PROSER2: variants seen among roughly 807,000 people sequenced by gnomAD.
The protein encoded by PROSER2 is proline and serine-rich protein 2.
Under a neutral mutation model 14.6 loss-of-function variants are expected in PROSER2, and 18 were observed. The ratio of observed to expected loss-of-function variants is 1.23; its 90% CI spans 0.85 to 1.83. PROSER2 has a LOEUF of 1.83. Ranked by LOEUF, PROSER2 falls within the 40% of genes most tolerant of loss-of-function variation. The pLI is 0.00. For synonymous variants in PROSER2, 367 were observed against 286.4 expected (o/e 1.28, Z -2.84); for missense variants, 823 against 629.8 (o/e 1.31, Z -3.28).
chr10:11,862,664 A>G lies in PROSER2; in HGVS notation c.139-3867A>G, dbSNP rs893956606. On this transcript the variant is annotated intron_variant, in intron 2 of 3. Transcript: ENST00000277570. The surrounding 1 kb of genome is among the most constrained non-coding windows in gnomAD (Gnocchi z 4.2). ...AGCTGTGATTGTACCACTGCACTGT[A>G]GACTGGGCAACAGAGTGAGACACGG... Among the ~76,000 whole-genome samples, 25 of 152,216 alleles carry G rather than the reference A, an allele frequency of 1.6e-4. No homozygotes were observed. The highest frequency in any genetic ancestry group is 5.1e-4 in the African/African-American group (21 of 41,456).
rs1425479568 is a variant in PROSER2 at position 11,836,488 on chromosome 10, C to T, written c.-82+13018C>T. 4.6e-5 allele frequency among the ~76,000 whole-genome samples: 7 copies of T among 152,156 alleles called. No homozygotes were observed. Among genetic ancestry groups the T allele is most frequent in the African/African-American group, 1.4e-4 (6 of 41,420 alleles). ...CTGGGATTACAGGTGTGAGCCACCA[C>T]GCCTGGCCAGGATGTCGCTTTAAAG... On this transcript the variant is annotated intron_variant, in intron 1 of 3. Transcript: ENST00000277570. The surrounding 1 kb of genome is among the most constrained non-coding windows in gnomAD (Gnocchi z 4.6).
rs372826041 is a variant in PROSER2, at chr10:11,832,422, G to A, written c.-82+8952G>A. 7.2e-5 allele frequency among the ~76,000 whole-genome samples: 11 copies of A among 152,094 alleles called. No individual in the cohort carries two copies. In the East Asian group the frequency reaches 1.3e-3, roughly 19 times the overall value. On this transcript the variant is annotated intron_variant, in intron 1 of 3. Coordinates refer to ENST00000277570, the MANE Select transcript of PROSER2 (RefSeq NM_153256.4). ...TTTACTGCAGCCTCTGTATTTCTGT[G>A]GAGGCCCATTTTTAAGATTAATTTT...
rs139293568 is a variant in PROSER2 at position 11,863,311 on chromosome 10, T to C, written c.139-3220T>C. 2.9e-3 allele frequency among the ~76,000 whole-genome samples: 445 copies of C among 152,204 alleles called. 2 individuals carry two copies. Among genetic ancestry groups the C allele is most frequent in the Non-Finnish European group, 4.9e-3 (331 of 68,010 alleles). ...GGGTAGGTGGGCATTTGAATACCTCTCAGATCACAGTGTGGAAAGCATCAG... is the reference window on the plus strand; with the variant it reads ...GGGTAGGTGGGCATTTGAATACCTCCCAGATCACAGTGTGGAAAGCATCAG... On this transcript the variant is annotated intron_variant, in intron 2 of 3. Transcript: ENST00000277570.
chr10:11,843,085 C>CAT (rs1833871467), intron 1 of PROSER2, among the ~76,000 whole-genome samples: 1 of 150,232 alleles, frequency 6.7e-6, no homozygotes, highest in East Asian at 2.0e-4. Flanking sequence ...GGATTACAGG[C>CAT]GCCCGCCACC....
intron 1 of PROSER2, among the ~76,000 whole-genome samples, chr10:11,829,435 T>G (rs949347832): frequency 6.6e-6 from 1 of 151,614 alleles, no homozygotes; most frequent in African/African-American, 2.4e-5. Flanking sequence ...AATTAAAAAA[T>G]TAGCCAGGTG....
chr10:11,868,204 A>T (rs1321928899), intron 3 of PROSER2, among the ~76,000 whole-genome samples: 1 of 152,262 alleles, frequency 6.6e-6, no homozygotes, highest in East Asian at 1.9e-4. Flanking sequence ...TCACGTAGTC[A>T]TGCCAAGGAA....
intron 2 of PROSER2, among the ~76,000 whole-genome samples, chr10:11,860,610 A>G (rs1054286354): frequency 6.7e-6 from 1 of 148,558 alleles, no homozygotes; most frequent in African/African-American, 2.5e-5. Context: ...GCGAGACTCC[A>G]TCTCAAAAAA....
intron 1 of PROSER2, among the ~76,000 whole-genome samples, chr10:11,848,047 G>A (rs1270191458): frequency 1.3e-5 from 2 of 152,162 alleles, no homozygotes; most frequent in African/African-American, 4.8e-5. Flanking sequence ...TCTTCCCAGA[G>A]TCAGCCATGG....
intron 2 of PROSER2, among the ~76,000 whole-genome samples, chr10:11,861,531 C>T (rs922808139): frequency 4.6e-5 from 7 of 151,990 alleles, no homozygotes; most frequent in African/African-American, 7.3e-5. Context: ...GAAATCCGGC[C>T]GTGAAAGTAG....
chr10:11,828,278 T>C (rs1833641773), intron 1 of PROSER2, among the ~76,000 whole-genome samples: 1 of 149,066 alleles, frequency 6.7e-6, no homozygotes, highest in Non-Finnish European at 1.5e-5. Flanking sequence ...TTTGCACATA[T>C]TACTTAAAGG....
In PROSER2 at chr10:11,836,852, G is replaced by A. The variant is rs910424130; in HGVS notation, c.-82+13382G>A. Among the ~76,000 whole-genome samples the A allele has an allele frequency of 9.2e-5, 14 of 152,050 alleles. No homozygotes were observed. The highest frequency in any genetic ancestry group is 4.1e-4 in the South Asian group (2 of 4,822). ...ACACGGTTTTGCTTTCCATAGTTTC[G>A]GTTACTTGCAGTCAACCGTGGTCCA... On this transcript the variant is annotated intron_variant, in intron 1 of 3. Coordinates refer to ENST00000277570, the MANE Select transcript of PROSER2 (RefSeq NM_153256.4). This position sits in a 1 kb window ranked among gnomAD's most constrained non-coding sequence, Gnocchi z 4.6.
At chr10:11,841,456 G>T (rs967688731) in intron 1 of PROSER2, among the ~76,000 whole-genome samples, 4 of 151,586 alleles carry the variant, frequency 2.6e-5, no homozygotes, top group Admixed American at 6.6e-5. Context: ...TGTTGATTTT[G>T]TATTTATTCT....
At position 11,869,391 on chromosome 10, in the gene PROSER2, A is replaced by G; in HGVS notation, c.392-99A>G. ...AGGCAGCACCGGCGAAGTTGGTGTC[A>G]GGTCCAGGTTGAGGCTCTTTTCAGT... is the stretch of plus-strand genomic sequence containing the variant. On this transcript the variant is annotated intron_variant, in intron 3 of 3. Coordinates refer to ENST00000277570, the MANE Select transcript of PROSER2 (RefSeq NM_153256.4). The surrounding 1 kb of genome is among the most constrained non-coding windows in gnomAD (Gnocchi z 4.4). 1.2e-6 allele frequency: 1 copy of G among 855,426 alleles called. No individual in the cohort carries two copies. Among genetic ancestry groups the G allele is most frequent in the Non-Finnish European group, 1.9e-6 (1 of 521,656 alleles). The allele number at this position is 855,426 out of a possible 1,614,324, so 53.0% of individuals were successfully genotyped here.
At position 11,856,480 on chromosome 10, in the gene PROSER2, T is replaced by G. The variant is rs1834124609; in HGVS notation, c.138+4265T>G. The stretch of plus-strand genomic sequence containing the variant: ...GCGGAGAGCTCTGCACTCGCATGGT[T>G]CTCAAGGAGTGGAGCTGGAACAGCA... On this transcript the variant is annotated intron_variant, in intron 2 of 3. Transcript: ENST00000277570. This position sits in a 1 kb window ranked among gnomAD's most constrained non-coding sequence, Gnocchi z 5.3. Among the ~76,000 whole-genome samples the G allele has an allele frequency of 6.6e-6, 1 of 152,218 alleles. No homozygotes were observed. The highest frequency in any genetic ancestry group is 1.5e-5 in the Non-Finnish European group (1 of 68,044).
intron 1 of PROSER2, among the ~76,000 whole-genome samples, chr10:11,824,976 C>T (rs989748252): frequency 6.6e-6 from 1 of 152,172 alleles, no homozygotes. Flanking sequence ...CTACAGCGCG[C>T]AGAGCCGTGA....
At position 11,836,687 on chromosome 10, in the gene PROSER2, G is replaced by A. The variant is rs1251430953; in HGVS notation, c.-82+13217G>A. On this transcript the variant is annotated intron_variant, in intron 1 of 3. Transcript: ENST00000277570. The surrounding 1 kb of genome is among the most constrained non-coding windows in gnomAD (Gnocchi z 4.6). ...CTGTATATCCTGACACAGGAAGGGG[G>A]ATGTCTTTTAGAAGCTCATTTCTAC... is the stretch of plus-strand genomic sequence containing the variant. Among the ~76,000 whole-genome samples the A allele has an allele frequency of 6.6e-6, 1 of 152,124 alleles. No homozygotes were observed. The highest frequency in any genetic ancestry group is 1.5e-5 in the Non-Finnish European group (1 of 68,034).
chr10:11,857,743 TAA>T (rs374000135), intron 2 of PROSER2, among the ~76,000 whole-genome samples: 2 of 106,556 alleles, frequency 1.9e-5, no homozygotes, highest in Non-Finnish European at 3.5e-5. Context: ...AGACCCCATC[TAA>T]AAAAAAAAAA....
At chr10:11,854,110 C>T (rs1013725247) in intron 2 of PROSER2, among the ~76,000 whole-genome samples, 4 of 151,612 alleles carry the variant, frequency 2.6e-5, no homozygotes, top group African/African-American at 9.7e-5. Context: ...ACCTGTTCTC[C>T]TCCTGATGTT....
intron 2 of PROSER2, among the ~76,000 whole-genome samples, chr10:11,859,914 C>T (rs1834202278): frequency 6.6e-6 from 1 of 152,248 alleles, no homozygotes; most frequent in Non-Finnish European, 1.5e-5. Flanking sequence ...GACCTGCTCC[C>T]CCAGGCCATC....
Sources: allele counts gnomAD v4.1 joint callset (sites outside exome capture counted in the v4.1 genomes callset), GRCh38; gene constraint gnomAD v4.1.1; non-coding constraint Gnocchi (gnomAD v3.1); transcripts MANE v1.5; gene names NCBI Gene and HGNC (gene_info 2026-07-23, HGNC 2026-07-21).